Variants in GABRA3 observed in about 807,000 individuals in gnomAD.
GABRA3 encodes the protein gamma-aminobutyric acid receptor subunit alpha-3.
GABRA3 carries 10 observed loss-of-function variants against 30.1 expected under a neutral mutation model. The ratio of observed to expected loss-of-function variants is 0.33; its 90% confidence interval spans 0.20 to 0.56. The LOEUF is 0.56. GABRA3 is among the 20% of genes least tolerant of loss of function. The pLI, the probability that GABRA3 is intolerant of heterozygous loss-of-function variation, is 0.89. For missense variants in GABRA3, 233 were observed against 392.0 expected, an observed-to-expected ratio of 0.59 and a Z score of 3.42; for synonymous variants, 151 against 146.8, an observed-to-expected ratio of 1.03 and a Z score of -0.21.
chrX:152,196,669 T>G (rs1011985540), intron 8 of GABRA3, among the ~76,000 whole-genome samples: 1 of 111,805 alleles, frequency 8.9e-6, no homozygotes, highest in African/African-American at 3.3e-5. Context: ...AGACAGTTTC[T>G]GTCTGCATCT....
At chrX:152,446,876 T>C (rs918659507) in intron 1 of GABRA3, among the ~76,000 whole-genome samples, 1 of 111,903 alleles carries the variant, frequency 8.9e-6, no homozygotes, top group African/African-American at 3.3e-5. Context: ...AAGCCCTCCA[T>C]CTATCTTGCC....
At chrX:152,389,862 T>G (rs1161988420) in intron 1 of GABRA3, among the ~76,000 whole-genome samples, 1 of 110,352 alleles carries the variant, frequency 9.1e-6, no homozygotes, top group Non-Finnish European at 1.9e-5. Context: ...CTATAATGGC[T>G]CATGCTTAGA....
At chrX:152,409,456 G>A (rs1292210795) in intron 1 of GABRA3, among the ~76,000 whole-genome samples, 15 of 111,687 alleles carry the variant, frequency 1.3e-4, no homozygotes. Context: ...CAGGACATTG[G>A]TCTGTGCAAA....
At chrX:152,183,965 C>G (rs1212724968) in intron 9 of GABRA3, among the ~76,000 whole-genome samples, 6 of 110,383 alleles carry the variant, frequency 5.4e-5, no homozygotes, top group African/African-American at 2.0e-4. Context: ...TGGTTTTATC[C>G]CTAGATCTCT....
rs1340889426 is a variant in GABRA3, at chrX:152,219,021, A to C, written c.634+5742T>G. On this transcript the variant is annotated intron_variant, in intron 6 of 9. Coordinates refer to ENST00000370314, the MANE Select transcript of GABRA3 (RefSeq NM_000808.4). ...TTTAAATCACTCTCCTTCTTGATGT[A>C]CTTTATTTGGCCTCCAGGACAACAC... 4.5e-5 allele frequency among the ~76,000 whole-genome samples: 5 copies of C among 110,992 alleles called. No individual in the cohort carries two copies. In the Admixed American group the frequency reaches 4.8e-4, roughly 11 times the overall value.
chrX:152,284,433 T>C (rs1233773328), intron 4 of GABRA3, among the ~76,000 whole-genome samples: 1 of 111,089 alleles, frequency 9.0e-6, no homozygotes, highest in Non-Finnish European at 1.9e-5. Context: ...GAAAGATGTG[T>C]CGTGGGAGAA....
intron 3 of GABRA3, among the ~76,000 whole-genome samples, chrX:152,330,043 T>C (rs751335266): frequency 4.5e-5 from 5 of 112,003 alleles, no homozygotes; most frequent in Non-Finnish European, 7.5e-5. Context: ...GCAAAGGATA[T>C]GAACATACAC....
At chrX:152,361,597 G>C in intron 2 of GABRA3, among the ~76,000 whole-genome samples, 1 of 104,080 alleles carries the variant, frequency 9.6e-6, no homozygotes, top group Admixed American at 1.0e-4. Flanking sequence ...AAAAAAATTC[G>C]AATGAATATA....
rs1278502790 is a variant in GABRA3 at position 152,168,402 on chromosome X, C to A, written c.1305G>T (p.Lys435Asn). The A allele has an allele frequency of 4.1e-6, 5 of 1,211,960 alleles. No individual in the cohort carries two copies. The highest frequency in any genetic ancestry group is 5.6e-6 in the Non-Finnish European group (5 of 895,576). Residue 435 changes from lysine to asparagine, a missense_variant, in exon 10 of 10, where the codon AAG becomes AAT. Physicochemically the swap from Lys to Asn is moderately conservative, Grantham distance 94. Transcript: ENST00000370314. ...SSTPTIIASP[K>N]ATYVQDSPTE... ...TCGGGCTGTCCTGCACGTAGGTGGC[C>A]TTGGGTGAAGCAATGATTGTTGGGG...
chrX:152,435,622 C>T (rs1930760936), intron 1 of GABRA3, among the ~76,000 whole-genome samples: 1 of 110,351 alleles, frequency 9.1e-6, no homozygotes, highest in African/African-American at 3.3e-5. Context: ...GGAGGGATAG[C>T]ATTAGGAGAA....
In GABRA3 at chrX:152,336,593, T is replaced by TA. The variant is rs766040835; in HGVS notation, c.262+8987dup. 4.5e-5 allele frequency among the ~76,000 whole-genome samples: 5 copies of TA among 111,897 alleles called. No homozygotes were observed. In the South Asian group the frequency reaches 1.9e-3, roughly 42 times the overall value. On this transcript the variant is annotated intron_variant, in intron 3 of 9. Coordinates refer to ENST00000370314, the MANE Select transcript of GABRA3 (RefSeq NM_000808.4). ...TTTATGTAAGTTTGGTGAAGTTTCTTAGTTCATTCAAAATTCAGTGAGACC... is the reference window on the plus strand; with the variant it reads ...TTTATGTAAGTTTGGTGAAGTTTCTTAAGTTCATTCAAAATTCAGTGAGACC...
At chrX:152,218,093 T>C (rs1222154314) in intron 6 of GABRA3, among the ~76,000 whole-genome samples, 1 of 109,183 alleles carries the variant, frequency 9.2e-6, no homozygotes, top group Non-Finnish European at 1.9e-5. Context: ...ATATAGGTTT[T>C]ACAGTTATAA....
intron 5 of GABRA3, among the ~76,000 whole-genome samples, chrX:152,233,160 T>G: frequency 9.1e-6 from 1 of 110,489 alleles, no homozygotes; most frequent in Non-Finnish European, 1.9e-5. Flanking sequence ...TTGTTTGTTT[T>G]TTTTTTCTTG....
At chrX:152,202,056 T>C (rs1277231311) in intron 7 of GABRA3, among the ~76,000 whole-genome samples, 2 of 112,121 alleles carry the variant, frequency 1.8e-5, no homozygotes, top group African/African-American at 6.5e-5. Context: ...GGGGATGGTG[T>C]CAACAACTAG....
chrX:152,274,301 C>T (rs1939001648), intron 4 of GABRA3, among the ~76,000 whole-genome samples: 1 of 110,817 alleles, frequency 9.0e-6, no homozygotes, highest in Non-Finnish European at 1.9e-5. Flanking sequence ...TAGAACAACC[C>T]AGTTGGTAAG....
chrX:152,395,270 G>A (rs771250376), intron 1 of GABRA3, among the ~76,000 whole-genome samples: 45 of 111,378 alleles, frequency 4.0e-4, no homozygotes, highest in Non-Finnish European at 7.0e-4. Context: ...GGAACAGACA[G>A]CAAATATGGA....
chrX:152,417,906 G>A (rs1930274258), intron 1 of GABRA3, among the ~76,000 whole-genome samples: 1 of 95,948 alleles, frequency 1.0e-5, no homozygotes, highest in Non-Finnish European at 2.1e-5. Context: ...GGATAGCACT[G>A]GGAGATATAC....
intron 4 of GABRA3, among the ~76,000 whole-genome samples, chrX:152,278,970 T>C (rs1939145116): frequency 8.9e-6 from 1 of 111,982 alleles, no homozygotes; most frequent in Admixed American, 9.5e-5. Flanking sequence ...TGTTTTTTTC[T>C]TGTAAATTTG....
chrX:152,194,031 C>T (rs1347906300), intron 8 of GABRA3, among the ~76,000 whole-genome samples: 1 of 112,183 alleles, frequency 8.9e-6, no homozygotes, highest in Non-Finnish European at 1.9e-5. Context: ...TTAATTGATA[C>T]TTTAACACTT....
Sources: allele counts gnomAD v4.1 joint callset (sites outside exome capture counted in the v4.1 genomes callset), GRCh38; gene constraint gnomAD v4.1.1; transcripts MANE v1.5; gene names NCBI Gene and HGNC (gene_info 2026-07-23, HGNC 2026-07-21).